NF1: variants seen among roughly 807,000 people sequenced by gnomAD.
NF1 encodes neurofibromin 1.
In NF1, 122 loss-of-function variants were observed where a neutral mutation model predicts 325.7. The ratio of observed to expected loss-of-function variants is 0.37; its 90% CI spans 0.32 to 0.44. The LOEUF (loss-of-function observed/expected upper bound fraction) is 0.44. Ranked by LOEUF, NF1 falls within the 20% of genes least tolerant of loss-of-function variation. The pLI, the probability that NF1 is intolerant of heterozygous loss-of-function variation, is 1.00. For missense variants in NF1, 2,140 were observed against 3,415.4 expected (o/e 0.63, Z 9.31); for synonymous variants, 1,091 against 1,186.0 (o/e 0.92, Z 1.65).
intron 4 of NF1, among the ~76,000 whole-genome samples, chr17:31,165,077 A>C (rs1388374796): frequency 6.6e-6 from 1 of 152,208 alleles, no homozygotes; most frequent in Non-Finnish European, 1.5e-5. Context: ...AGTGGTACAA[A>C]AAAACCCAAA....
At chr17:31,233,784 G>T (rs1297046728) in intron 27 of NF1, among the ~76,000 whole-genome samples, 3 of 152,056 alleles carry the variant, frequency 2.0e-5, no homozygotes, top group Non-Finnish European at 1.5e-5. Context: ...GTGTTAAAAG[G>T]CTATTTGCTT....
At chr17:31,258,281 T>A in intron 31 of NF1, 63 bp from the exon 32 acceptor site, 1 of 1,587,642 alleles carries the variant, frequency 6.3e-7, no homozygotes, top group South Asian at 1.1e-5. Flanking sequence ...CTTTGAACTC[T>A]TTGTTTTCAT....
chr17:31,149,985 T>C (rs1916817773), intron 1 of NF1, among the ~76,000 whole-genome samples: 1 of 152,228 alleles, frequency 6.6e-6, no homozygotes, highest in Admixed American at 6.5e-5. Context: ...TGGAACTTTC[T>C]GGGTGCCTCT....
At chr17:31,244,834 TC>T (rs2151446983) in intron 29 of NF1, among the ~76,000 whole-genome samples, 2 of 152,282 alleles carry the variant, frequency 1.3e-5, no homozygotes, top group Admixed American at 1.3e-4. Flanking sequence ...GGATGGTTGT[TC>T]AAGTTGGTGT....
In NF1 at chr17:31,343,067, T is replaced by C; in HGVS notation, c.7121T>C (p.Met2374Thr). Residue 2374 changes from methionine to threonine, a missense_variant, in exon 48 of 58, where the codon ATG (methionine) becomes ACG (threonine). Around this residue, in one of 10 missense-constraint regions of NF1, gnomAD observed 522 missense variants for 749.0 expected, o/e 0.70. Coordinates refer to ENST00000358273, the MANE Select transcript of NF1 (RefSeq NM_001042492.3). ...RNPLEWHCKQ[M>T]DHFVGLNFNS... ...CCTCTGGAGTGGCACTGCAAGCAAA[T>C]GGATCATTTTGTTGGACTCAATTTC... The C allele has an allele frequency of 6.2e-7, 1 of 1,614,056 alleles. No homozygotes were observed. Among genetic ancestry groups the C allele is most frequent in the East Asian group, 2.2e-5 (1 of 44,870 alleles).
At position 31,336,362 on chromosome 17, in the gene NF1, C is replaced by T. The variant is rs774517065; in HGVS notation, c.6036C>T (p.Asp2012=). The T allele has an allele frequency of 6.2e-7, 1 of 1,613,958 alleles. No individual in the cohort carries two copies. Among genetic ancestry groups the T allele is most frequent in the Admixed American group, 1.7e-5 (1 of 60,012 alleles). ...CAGATCTGCTTGATGTTGTACTAGA[C>T]AGTTTCATCAAAACCAGTGCAACAG... ...QITDLLDVVL[D]SFIKTSATGG... Residue 2012 remains aspartate (D), a synonymous_variant, in exon 41 of 58, where the codon GAC becomes GAT. Coordinates refer to ENST00000358273, the MANE Select transcript of NF1 (RefSeq NM_001042492.3). This position sits in a 1 kb window ranked among gnomAD's most constrained non-coding sequence, Gnocchi z 5.5.
intron 1 of NF1, among the ~76,000 whole-genome samples, chr17:31,102,582 A>C (rs1249015641): frequency 6.6e-6 from 1 of 151,982 alleles, no homozygotes; most frequent in Admixed American, 6.6e-5. Flanking sequence ...GTCTCTAAAA[A>C]AAATTAGTTG....
intron 44 of NF1, 49 bp downstream of exon 44, chr17:31,337,929 A>C: frequency 1.3e-6 from 2 of 1,556,084 alleles, no homozygotes; most frequent in Non-Finnish European, 1.8e-6. Flanking sequence ...TATTGTTGAA[A>C]ATACAGCTAT....
chr17:31,268,580 T>A (rs913154713), intron 36 of NF1, among the ~76,000 whole-genome samples: 1 of 149,436 alleles, frequency 6.7e-6, no homozygotes, highest in Non-Finnish European at 1.5e-5. Context: ...TGAACCAAGA[T>A]TGCACCACTG....
intron 36 of NF1, chr17:31,304,084 G>A (rs1318096063): frequency 3.6e-6 from 2 of 548,962 alleles, no homozygotes; most frequent in Non-Finnish European, 6.3e-6. Context: ...ATAGATTACT[G>A]TTAAATAACT....
At chr17:31,197,337 C>T (rs981602143) in intron 8 of NF1, among the ~76,000 whole-genome samples, 28 of 139,620 alleles carry the variant, frequency 2.0e-4, no homozygotes, top group Non-Finnish European at 3.4e-4. Flanking sequence ...TGAGCCACCG[C>T]GCCTGGCTTT....
intron 36 of NF1, among the ~76,000 whole-genome samples, chr17:31,283,450 G>GT (rs1318996240): frequency 6.8e-6 from 1 of 147,218 alleles, no homozygotes; most frequent in African/African-American, 2.6e-5. Flanking sequence ...CTAATTACCA[G>GT]TTTTTTTGTT....
intron 1 of NF1, chr17:31,138,574 A>G (rs894901872): frequency 1.3e-5 from 2 of 149,804 alleles, no homozygotes; most frequent in African/African-American, 2.5e-5. Context: ...TGCTCTCTCT[A>G]TTTTAAAAAT....
At chr17:31,221,039 T>C (rs1460021392) in intron 14 of NF1, among the ~76,000 whole-genome samples, 2 of 152,212 alleles carry the variant, frequency 1.3e-5, no homozygotes, top group East Asian at 3.9e-4. Flanking sequence ...AATGTTGATA[T>C]GTTGACCAAG....
intron 1 of NF1, among the ~76,000 whole-genome samples, chr17:31,147,225 G>C (rs1916640692): frequency 6.6e-6 from 1 of 152,136 alleles, no homozygotes; most frequent in Non-Finnish European, 1.5e-5. Flanking sequence ...TCCTCCTCGT[G>C]TTTCCTTTCA....
intron 1 of NF1, among the ~76,000 whole-genome samples, chr17:31,112,943 A>C (rs777615816): frequency 5.3e-5 from 8 of 152,144 alleles, no homozygotes; most frequent in Non-Finnish European, 1.0e-4. Context: ...CTGTTATGCC[A>C]ATACCACATA....
At chr17:31,340,366 C>T in intron 46 of NF1, 139 bp from the exon 47 acceptor site, 1 of 1,068,160 alleles carries the variant, frequency 9.4e-7, no homozygotes, top group Non-Finnish European at 1.4e-6. Context: ...GAAGAGCTTA[C>T]TCATATCTTT....
At chr17:31,226,349 A>ACACACACACACG in intron 17 of NF1, 86 bp from the exon 18 acceptor site, 1 of 1,518,564 alleles carries the variant, frequency 6.6e-7, no homozygotes, top group Non-Finnish European at 9.0e-7. Context: ...ACACACACAC[A>ACACACACACACG]CACACACACA....
chr17:31,295,344 C>G (rs755104589), intron 36 of NF1: 2 of 1,614,000 alleles, frequency 1.2e-6, no homozygotes, highest in Admixed American at 3.3e-5. Context: ...GGCACAAAAG[C>G]CTTATCAGTG....
Sources: allele counts gnomAD v4.1 joint callset (sites outside exome capture counted in the v4.1 genomes callset), GRCh38; gene constraint gnomAD v4.1.1; regional missense constraint gnomAD v4.1.1; non-coding constraint Gnocchi (gnomAD v3.1); transcripts MANE v1.5; gene names NCBI Gene and HGNC (gene_info 2026-07-23, HGNC 2026-07-21).